The following METTL8 variants were observed in gnomAD, a reference collection of about 807,000 sequenced individuals.
METTL8 encodes methyltransferase 8, tRNA N3-cytidine.
In METTL8, 32 loss-of-function variants were observed where a neutral mutation model predicts 48.7. The ratio of observed to expected loss-of-function variants is 0.66; its 90% CI spans 0.50 to 0.88. METTL8 has a LOEUF of 0.88. METTL8 is among the 40% of genes least tolerant of loss of function. The pLI is 0.00. For synonymous variants in METTL8, 136 were observed against 157.1 expected (o/e 0.87, Z 1.01); for missense variants, 464 against 474.4 (o/e 0.98, Z 0.20).
intron 7 of METTL8, 69 bp downstream of exon 7, chr2:171,330,490 G>C: frequency 5.5e-6 from 8 of 1,451,850 alleles, no homozygotes; most frequent in Non-Finnish European, 7.5e-6. Flanking sequence ...TTTTTGCTTT[G>C]ATAGTTCTGA....
At chr2:171,421,704 G>C (rs1262879426) in intron 1 of METTL8, among the ~76,000 whole-genome samples, 1 of 152,100 alleles carries the variant, frequency 6.6e-6, no homozygotes, top group Non-Finnish European at 1.5e-5. Context: ...AACTCAGATT[G>C]AAAATACAGT....
intron 1 of METTL8, among the ~76,000 whole-genome samples, chr2:171,423,635 G>C (rs1692102644): frequency 6.6e-6 from 1 of 152,144 alleles, no homozygotes; most frequent in Non-Finnish European, 1.5e-5. Flanking sequence ...GAGGCATTTT[G>C]TCCCTGCCCT....
intron 1 of METTL8, among the ~76,000 whole-genome samples, chr2:171,408,914 T>C (rs1690463071): frequency 6.6e-6 from 1 of 152,212 alleles, no homozygotes; most frequent in Non-Finnish European, 1.5e-5. Context: ...GTTCAATCAG[T>C]GCTAACCCAT....
In METTL8 at chr2:171,356,952, A is replaced by ATGTTTTT; in HGVS notation, c.235+3469_235+3470insAAAAACA. Among the ~76,000 whole-genome samples the ATGTTTTT allele has an allele frequency of 8.4e-4, 66 of 78,488 alleles. 16 individuals are homozygous for ATGTTTTT. The highest frequency in any genetic ancestry group is 1.0e-3 in the African/African-American group (23 of 22,476). 51.5% of individuals were successfully genotyped at this position (78,488 alleles called of 152,430 possible). Reference sequence around the variant, plus strand: ...CAAATTAGCCTTGTTCAAAGACAATATTTTTTTTTTTTTTTTTGAGACAGG... The same window carrying ATGTTTTT: ...CAAATTAGCCTTGTTCAAAGACAATATGTTTTTTTTTTTTTTTTTTTTTTGAGACAGG... On this transcript the variant is annotated intron_variant, in intron 3 of 9. Transcript: ENST00000375258.
chr2:171,353,607 G>A (rs902631720), intron 3 of METTL8, among the ~76,000 whole-genome samples: 8 of 151,842 alleles, frequency 5.3e-5, no homozygotes, highest in African/African-American at 1.9e-4. Context: ...GAGTCTCTTT[G>A]TAGGTCTCTA....
intron 2 of METTL8, among the ~76,000 whole-genome samples, chr2:171,382,872 A>G (rs1014902089): frequency 2.6e-5 from 4 of 152,208 alleles, no homozygotes; most frequent in Admixed American, 2.6e-4. Flanking sequence ...CAGCAGTTCA[A>G]GACCATCCTG....
rs1051435141 is a variant in METTL8 at position 171,330,705 on chromosome 2, T to C, written c.721-7A>G. The C allele has an allele frequency of 3.7e-6, 6 of 1,600,386 alleles. No individual in the cohort carries two copies. The highest frequency in any genetic ancestry group is 1.4e-5 in the African/African-American group (1 of 73,974). On this transcript the variant is annotated splice_polypyrimidine_tract_variant and splice_region_variant and intron_variant, in intron 6 of 9. Coordinates refer to ENST00000375258, the MANE Select transcript of METTL8 (RefSeq NM_001321154.2). ...CTCTGTAGGACGAGTGTGACTGTCA[T>C]GATAAAGGAACAGAAAGCAAAAAGA...
intron 1 of METTL8, among the ~76,000 whole-genome samples, chr2:171,398,523 G>A (rs2105585317): frequency 6.6e-6 from 1 of 152,136 alleles, no homozygotes; most frequent in Non-Finnish European, 1.5e-5. Flanking sequence ...GGGGAATTAA[G>A]TTTTTAATGG....
intron 1 of METTL8, among the ~76,000 whole-genome samples, chr2:171,393,228 C>T (rs1216059806): frequency 6.6e-6 from 1 of 151,944 alleles, no homozygotes; most frequent in East Asian, 1.9e-4. Context: ...AGAGACCAGC[C>T]TGGGCAACAT....
chr2:171,354,173 G>C (rs1040432406), intron 3 of METTL8, among the ~76,000 whole-genome samples: 8 of 152,148 alleles, frequency 5.3e-5, no homozygotes, highest in African/African-American at 1.9e-4. Context: ...AAATCTCTCA[G>C]CATTTGCTTG....
chr2:171,330,643 T>C lies in METTL8; in HGVS notation c.776A>G (p.Asp259Gly), dbSNP rs1685425306. The C allele has an allele frequency of 6.2e-7, 1 of 1,613,534 alleles. No homozygotes were observed. Among genetic ancestry groups the C allele is most frequent in the African/African-American group, 1.3e-5 (1 of 75,002 alleles). ...TGGAAAAGGGTAAGGTAAGCCATCA[T>C]CACATACATCATGAACAAAGGCAAA... Reference protein sequence around the residue: ...QCFAFVHDVCDDGLPYPFPDG... With the variant: ...QCFAFVHDVCGDGLPYPFPDG... Residue 259 changes from aspartate to glycine, a missense_variant, in exon 7 of 10, where the codon GAT becomes GGT. Physicochemically the swap from Asp to Gly is moderately conservative, Grantham distance 94. Coordinates refer to ENST00000375258, the MANE Select transcript of METTL8 (RefSeq NM_001321154.2).
At position 171,336,671 on chromosome 2, in the gene METTL8, T is replaced by G. The variant is rs563785336; in HGVS notation, c.656+782A>C. Among the ~76,000 whole-genome samples the G allele has an allele frequency of 8.5e-5, 13 of 152,234 alleles. No individual in the cohort carries two copies. In the South Asian group the frequency reaches 2.7e-3, roughly 32 times the overall value. ...TGCTACCTCCAAACAATTTTAAGCC[T>G]AGACACAATGATTTGGCATGCAAAC... On this transcript the variant is annotated intron_variant, in intron 5 of 9. Transcript: ENST00000375258.
At chr2:171,368,297 G>A (rs995158577) in intron 2 of METTL8, among the ~76,000 whole-genome samples, 25 of 152,298 alleles carry the variant, frequency 1.6e-4, no homozygotes, top group African/African-American at 6.0e-4. Flanking sequence ...TATGAACTGT[G>A]AGCTGAACTA....
chr2:171,402,329 A>T (rs182210708), intron 1 of METTL8, among the ~76,000 whole-genome samples: 1 of 152,324 alleles, frequency 6.6e-6, no homozygotes, highest in East Asian at 1.9e-4. Context: ...GGCAATAGGA[A>T]TGGTAATAAG....
At chr2:171,339,160 A>G (rs767822737) in intron 4 of METTL8, 24 bp downstream of exon 4, 28 of 1,425,484 alleles carry the variant, frequency 2.0e-5, no homozygotes, top group Non-Finnish European at 2.4e-5. Flanking sequence ...GTCACCTCCC[A>G]TTTTTGTCCC....
In METTL8 at chr2:171,433,929, C is replaced by A; in HGVS notation, c.-59G>T. ...TGGGGGGATCGCCCTCGACACAGCG[C>A]CCCTCCCGGCACCTGGCCAGAACCT... On this transcript the variant is annotated 5_prime_UTR_variant, in exon 1 of 10. Transcript: ENST00000375258. 1 of 189,244 alleles carries A rather than the reference C, an allele frequency of 5.3e-6. No homozygotes were observed. Among genetic ancestry groups the A allele is most frequent in the African/African-American group, 2.4e-5 (1 of 41,722 alleles). 11.7% of individuals were successfully genotyped at this position (189,244 alleles called of 1,614,324 possible).
intron 2 of METTL8, among the ~76,000 whole-genome samples, chr2:171,365,777 T>A (rs145706299): frequency 5.1e-4 from 77 of 152,312 alleles, no homozygotes; most frequent in Admixed American, 2.0e-3. Context: ...CCACAAATAA[T>A]TATAAACTGG....
rs1686251953 is a variant in METTL8, at chr2:171,337,559, A to T, written c.607-57T>A. The T allele has an allele frequency of 2.6e-5, 35 of 1,346,840 alleles. No homozygotes were observed. In the South Asian group the frequency reaches 4.0e-4, roughly 15 times the overall value. The allele number at this position is 1,346,840 out of a possible 1,614,324, so 83.4% of individuals were successfully genotyped here. Reference sequence around the variant, plus strand: ...AAAGCAAGGTTAAATTTTTGTCACCAATGTCAGATCTCCTATTAAAGAAAA... The same window carrying T: ...AAAGCAAGGTTAAATTTTTGTCACCTATGTCAGATCTCCTATTAAAGAAAA... On this transcript the variant is annotated intron_variant, in intron 4 of 9. Coordinates refer to ENST00000375258, the MANE Select transcript of METTL8 (RefSeq NM_001321154.2).
At chr2:171,424,572 T>G (rs1253563823) in intron 1 of METTL8, among the ~76,000 whole-genome samples, 1 of 152,260 alleles carries the variant, frequency 6.6e-6, no homozygotes, top group Non-Finnish European at 1.5e-5. Context: ...TAAGGTTTAA[T>G]GACTGCTCTA....
Sources: allele counts gnomAD v4.1 joint callset (sites outside exome capture counted in the v4.1 genomes callset), GRCh38; gene constraint gnomAD v4.1.1; transcripts MANE v1.5; gene names NCBI Gene and HGNC (gene_info 2026-07-23, HGNC 2026-07-21).